CACNA1C: variants seen among roughly 807,000 people sequenced by gnomAD.
CACNA1C encodes voltage-dependent L-type calcium channel subunit alpha-1C.
Under a neutral mutation model 229.0 loss-of-function variants are expected in CACNA1C, and 30 were observed. The ratio of observed to expected loss-of-function variants is 0.13; its 90% CI spans 0.10 to 0.18. The LOEUF is 0.18. CACNA1C is among the 10% of genes least tolerant of loss of function. The probability of loss-of-function intolerance (pLI) is 1.00; values close to 1 mark genes in which losing one functional copy is unlikely to be tolerated. For synonymous variants in CACNA1C, 1,114 were observed against 1,132.5 expected, an observed-to-expected ratio of 0.98 and a Z score of 0.33; for missense variants, 1,658 against 2,845.0, an observed-to-expected ratio of 0.58 and a Z score of 9.49.
intron 3 of CACNA1C, among the ~76,000 whole-genome samples, chr12:2,335,719 C>T (rs1819826512): frequency 1.3e-5 from 2 of 152,168 alleles, no homozygotes; most frequent in African/African-American, 4.8e-5. Context: ...CATCTGTAGA[C>T]CCAGAGTGAG....
rs1331189773 is a variant in CACNA1C at position 2,677,146 on chromosome 12, C to T, written c.4881C>T (p.Tyr1627=). 6 of 1,613,826 alleles carry T rather than the reference C, an allele frequency of 3.7e-6. No homozygotes were observed. In the South Asian group the frequency reaches 5.5e-5, roughly 15 times the overall value. Residue 1627 remains tyrosine (Y), a synonymous_variant, in exon 40 of 47, where the codon TAC becomes TAT. Coordinates refer to ENST00000399655, the MANE Select transcript of CACNA1C (RefSeq NM_000719.7). This position sits in a 1 kb window ranked among gnomAD's most constrained non-coding sequence, Gnocchi z 7.4. ...KFYATFLIQE[Y]FRKFKKRKEQ... Reference sequence around the variant, plus strand: ...ACGCCACGTTCCTGATCCAGGAGTACTTCCGGAAGTTCAAGAAGCGCAAAG... The same window carrying T: ...ACGCCACGTTCCTGATCCAGGAGTATTTCCGGAAGTTCAAGAAGCGCAAAG...
chr12:2,203,677 C>T (rs963613785), intron 3 of CACNA1C, among the ~76,000 whole-genome samples: 9 of 151,318 alleles, frequency 5.9e-5, no homozygotes, highest in African/African-American at 1.9e-4. Context: ...ACTGCTCCTT[C>T]AGGGTCACCC....
chr12:2,073,677 G>A (rs1193096373), intron 1 of CACNA1C, among the ~76,000 whole-genome samples: 1 of 152,232 alleles, frequency 6.6e-6, no homozygotes, highest in African/African-American at 2.4e-5. Flanking sequence ...TCCCTCTGAA[G>A]TATTTGCATG....
intron 3 of CACNA1C, among the ~76,000 whole-genome samples, chr12:2,246,238 G>A (rs1444758960): frequency 2.0e-5 from 3 of 152,352 alleles, no homozygotes; most frequent in South Asian, 4.1e-4. Flanking sequence ...CTGCAGTGGG[G>A]CAGGCTCGGC....
At chr12:2,434,806 C>G (rs534914565) in intron 3 of CACNA1C, among the ~76,000 whole-genome samples, 9 of 152,308 alleles carry the variant, frequency 5.9e-5, no homozygotes, top group African/African-American at 1.9e-4. Flanking sequence ...TCTGTCTTTT[C>G]TCTTCCTCTT....
chr12:2,438,279 T>C (rs1382002203), intron 3 of CACNA1C, among the ~76,000 whole-genome samples: 1 of 124,758 alleles, frequency 8.0e-6, no homozygotes, highest in African/African-American at 3.3e-5. Context: ...GTGGTAATGA[T>C]AGTGGTAATG....
At chr12:2,508,660 A>G (rs1230465080) in intron 8 of CACNA1C, among the ~76,000 whole-genome samples, 3 of 152,194 alleles carry the variant, frequency 2.0e-5, no homozygotes, top group African/African-American at 7.2e-5. Flanking sequence ...CTCTAAAAGT[A>G]AAAAAGAAAA....
At chr12:2,095,872 T>C (rs1308963603) in intron 1 of CACNA1C, among the ~76,000 whole-genome samples, 1 of 152,208 alleles carries the variant, frequency 6.6e-6, no homozygotes, top group African/African-American at 2.4e-5. Context: ...TGTGTGCTTC[T>C]CTCTGCCTTG....
chr12:2,501,233 A>AAAAAAAAAG (rs2099759416), intron 7 of CACNA1C, among the ~76,000 whole-genome samples: 2 of 149,000 alleles, frequency 1.3e-5, no homozygotes, highest in African/African-American at 4.9e-5. Flanking sequence ...AAAAAAAAAA[A>AAAAAAAAAG]AGTAAAGCAA....
At chr12:2,220,537 G>T (rs572906921) in intron 3 of CACNA1C, 1 of 152,248 alleles carries the variant, frequency 6.6e-6, no homozygotes, top group African/African-American at 2.4e-5. Flanking sequence ...ACTAGGTTGG[G>T]TTCTCCTAGA....
chr12:2,107,179 A>C lies in CACNA1C; in HGVS notation c.50-8045A>C, dbSNP rs2079327517. ...GGTGTCCTGAAGCCACTGGGTGCTC[A>C]CCCTGGAGAGGGTTTCCACCTCAGC... On this transcript the variant is annotated intron_variant, in intron 1 of 46. Coordinates refer to ENST00000399655, the MANE Select transcript of CACNA1C (RefSeq NM_000719.7). 4.2e-5 allele frequency among the ~76,000 whole-genome samples: 6 copies of C among 142,570 alleles called. No individual in the cohort carries two copies. The South Asian group carries it at 1.1e-3, about 27-fold the overall frequency. 93.5% of individuals were successfully genotyped at this position (142,570 alleles called of 152,430 possible).
chr12:2,064,814 A>G (rs763924342), intron 1 of CACNA1C, among the ~76,000 whole-genome samples: 16 of 152,248 alleles, frequency 1.1e-4, no homozygotes, highest in Admixed American at 5.2e-4. Context: ...AAGAGTGATA[A>G]TATCATCGGC....
intron 3 of CACNA1C, among the ~76,000 whole-genome samples, chr12:2,342,186 A>AT (rs1182301317): frequency 6.6e-6 from 1 of 152,036 alleles, no homozygotes; most frequent in African/African-American, 2.4e-5. Context: ...TTGCAGTATG[A>AT]TTGTCATTGC....
At chr12:2,583,084 G>C (rs901124529) in intron 15 of CACNA1C, 142 bp downstream of exon 15, 1 of 619,438 alleles carries the variant, frequency 1.6e-6, no homozygotes, top group Non-Finnish European at 2.9e-6. Flanking sequence ...CGGCGGAGGT[G>C]GGTCTGGGTG....
chr12:2,605,242 G>A lies in CACNA1C; in HGVS notation c.3048+74G>A. 1 of 1,048,914 alleles carries A rather than the reference G, an allele frequency of 9.5e-7. No individual in the cohort carries two copies. Among genetic ancestry groups the A allele is most frequent in the Admixed American group, 1.8e-5 (1 of 54,870 alleles). 65.0% of individuals were successfully genotyped at this position (1,048,914 alleles called of 1,614,324 possible). On this transcript the variant is annotated intron_variant, in intron 23 of 46. Transcript: ENST00000399655. This position sits in a 1 kb window ranked among gnomAD's most constrained non-coding sequence, Gnocchi z 6.2. ...TGGGAGCTCCACAGAGGTGAGGGGT[G>A]GGTTGGAAGGAGATGATGGTCAGAC...
chr12:2,192,391 A>G (rs2097266505), intron 3 of CACNA1C, among the ~76,000 whole-genome samples: 2 of 152,080 alleles, frequency 1.3e-5, no homozygotes, highest in Admixed American at 1.3e-4. Context: ...CCCTGAGCTC[A>G]GCTCCAAGCC....
rs571118046 is a variant in CACNA1C, at chr12:2,493,161, C to G, written c.917-29C>G. 28 of 1,596,126 alleles carry G rather than the reference C, an allele frequency of 1.8e-5. No individual in the cohort carries two copies. The highest frequency in any genetic ancestry group is 2.4e-5 in the Non-Finnish European group (28 of 1,164,122). ...CACATCTCTCCCTCCCTGCTGCTCC[C>G]GTCTCCTGTCTTCTTCTGGCCATTT... On this transcript the variant is annotated intron_variant, in intron 6 of 46. Transcript: ENST00000399655. This position sits in a 1 kb window ranked among gnomAD's most constrained non-coding sequence, Gnocchi z 4.6.
intron 1 of CACNA1C, among the ~76,000 whole-genome samples, chr12:2,097,209 G>A (rs549235160): frequency 9.9e-5 from 15 of 152,122 alleles, no homozygotes; most frequent in East Asian, 5.8e-4. Flanking sequence ...GCAGTGGCGC[G>A]ATCTCGGCTC....
chr12:2,627,677 C>T (rs2087642046), intron 29 of CACNA1C, among the ~76,000 whole-genome samples: 1 of 152,088 alleles, frequency 6.6e-6, no homozygotes, highest in South Asian at 2.1e-4. Context: ...CCATCTGTTG[C>T]CCCTCCCTCC....
Sources: allele counts gnomAD v4.1 joint callset (sites outside exome capture counted in the v4.1 genomes callset), GRCh38; gene constraint gnomAD v4.1.1; non-coding constraint Gnocchi (gnomAD v3.1); transcripts MANE v1.5; gene names NCBI Gene and HGNC (gene_info 2026-07-23, HGNC 2026-07-21).